Variants in FGF1 observed in about 807,000 individuals in gnomAD.
FGF1 encodes fibroblast growth factor 1, also known as beta-endothelial cell growth factor.
Under a neutral mutation model 13.4 loss-of-function variants are expected in FGF1, and 9 were observed. That is an observed-to-expected ratio of 0.67 (90% CI 0.40 to 1.17). The LOEUF (loss-of-function observed/expected upper bound fraction) is 1.17. Ranked by LOEUF, FGF1 falls within the 50% of genes most tolerant of loss-of-function variation. The pLI, the probability that FGF1 is intolerant of heterozygous loss-of-function variation, is 0.01. For missense variants in FGF1, 156 were observed against 192.7 expected, an observed-to-expected ratio of 0.81 and a Z score of 1.13; for synonymous variants, 93 against 79.0, an observed-to-expected ratio of 1.18 and a Z score of -0.94.
chr5:142,681,156 G>A (rs1005044633), intron 1 of FGF1, among the ~76,000 whole-genome samples: 8 of 152,106 alleles, frequency 5.3e-5, no homozygotes, highest in Non-Finnish European at 1.2e-4. Context: ...GTCAGGAGAC[G>A]GTCTTGAGCA....
intron 1 of FGF1, among the ~76,000 whole-genome samples, chr5:142,636,882 G>T (rs1162991571): frequency 6.6e-6 from 1 of 152,012 alleles, no homozygotes; most frequent in African/African-American, 2.4e-5. Flanking sequence ...GGTCCTGTAG[G>T]CACCTGTCTG....
At chr5:142,678,169 C>G (rs1393893961) in intron 1 of FGF1, among the ~76,000 whole-genome samples, 1 of 152,086 alleles carries the variant, frequency 6.6e-6, no homozygotes, top group African/African-American at 2.4e-5. Flanking sequence ...CCCCAAGAGG[C>G]CTCCTGTCTA....
rs114106496 is a variant in FGF1 at position 142,674,072 on chromosome 5, T to C, written c.-35+11885A>G. ...AACAGTCCTCACCCTGCTTCATGTG[T>C]GCCTGGTGCCCCTTGTTCTACTGGC... On this transcript the variant is annotated intron_variant, in intron 1 of 3. Coordinates refer to ENST00000337706, the MANE Select transcript of FGF1 (RefSeq NM_000800.5). Among the ~76,000 whole-genome samples, 942 of 152,312 alleles carry C rather than the reference T, an allele frequency of 6.2e-3. 8 individuals are homozygous for C. The highest frequency in any genetic ancestry group is 0.022 in the African/African-American group (899 of 41,576).
chr5:142,640,543 T>C (rs769263894), intron 1 of FGF1, among the ~76,000 whole-genome samples: 1 of 151,846 alleles, frequency 6.6e-6, no homozygotes, highest in East Asian at 1.9e-4. Flanking sequence ...GTGATGCGCA[T>C]GAGCAGGGAG....
intron 2 of FGF1, among the ~76,000 whole-genome samples, chr5:142,602,117 C>T (rs1436265765): frequency 6.6e-6 from 1 of 152,058 alleles, no homozygotes; most frequent in Non-Finnish European, 1.5e-5. Flanking sequence ...GAGGCTGGAA[C>T]ACACAGAGCT....
chr5:142,637,518 A>G (rs1211133553), intron 1 of FGF1, among the ~76,000 whole-genome samples: 2 of 151,862 alleles, frequency 1.3e-5, no homozygotes, highest in Non-Finnish European at 2.9e-5. Flanking sequence ...ACAGGGTTTC[A>G]CCATGTTAGC....
chr5:142,652,856 A>ACTCC (rs2151978570), intron 1 of FGF1, among the ~76,000 whole-genome samples: 1 of 151,912 alleles, frequency 6.6e-6, no homozygotes, highest in East Asian at 1.9e-4. Flanking sequence ...CTGCTCACTC[A>ACTCC]CTCCCTGTCC....
At chr5:142,677,529 A>T (rs1441799434) in intron 1 of FGF1, among the ~76,000 whole-genome samples, 2 of 152,272 alleles carry the variant, frequency 1.3e-5, no homozygotes. Flanking sequence ...GACACATAGC[A>T]TAGGGTCCTG....
intron 1 of FGF1, chr5:142,627,159 G>A (rs1406508204): frequency 1.3e-5 from 2 of 152,226 alleles, no homozygotes; most frequent in African/African-American, 4.8e-5. Flanking sequence ...GTTTCACGGA[G>A]CATTTGGGAT....
chr5:142,677,672 A>G (rs1227250619), intron 1 of FGF1, among the ~76,000 whole-genome samples: 2 of 152,184 alleles, frequency 1.3e-5, no homozygotes, highest in Non-Finnish European at 2.9e-5. Context: ...TGCTGTCCTG[A>G]GTCTTGGCTT....
intron 1 of FGF1, among the ~76,000 whole-genome samples, chr5:142,661,287 C>T (rs368726594): frequency 9.9e-5 from 15 of 152,242 alleles, no homozygotes; most frequent in African/African-American, 2.6e-4. Context: ...AAATCAAAAG[C>T]GCAATATCAC....
intron 1 of FGF1, among the ~76,000 whole-genome samples, chr5:142,633,895 C>T (rs1304610799): frequency 1.3e-5 from 2 of 152,092 alleles, no homozygotes; most frequent in East Asian, 3.9e-4. Context: ...TGAATCAAGA[C>T]CTCCCTCGGC....
intron 1 of FGF1, among the ~76,000 whole-genome samples, chr5:142,672,723 T>C (rs1384107915): frequency 6.6e-6 from 1 of 152,162 alleles, no homozygotes; most frequent in Non-Finnish European, 1.5e-5. Flanking sequence ...CAGGCTCGTC[T>C]CGAACTCCTG....
chr5:142,605,877 C>T (rs1164385034), intron 2 of FGF1, among the ~76,000 whole-genome samples: 1 of 152,102 alleles, frequency 6.6e-6, no homozygotes, highest in Non-Finnish European at 1.5e-5. Flanking sequence ...AGACCTACAT[C>T]CTCTTGCAGC....
rs367938958 is a variant in FGF1, at chr5:142,596,725, A to G, written c.274-1241T>C. Among the ~76,000 whole-genome samples, 12 of 148,832 alleles carry G rather than the reference A, an allele frequency of 8.1e-5. No homozygotes were observed. In the East Asian group the frequency reaches 1.9e-3, roughly 24 times the overall value. ...GTACCACTGCACTCTAGTCTGGGTG[A>G]CAGAGCAAGAACCTGTCTCTAAAGA... On this transcript the variant is annotated intron_variant, in intron 3 of 3. Transcript: ENST00000337706.
intron 2 of FGF1, among the ~76,000 whole-genome samples, chr5:142,607,009 A>G (rs903980038): frequency 6.6e-6 from 1 of 152,158 alleles, no homozygotes. Context: ...ATTCTCCTTC[A>G]TACATTTTAG....
chr5:142,685,818 A>G (rs1751037474), intron 1 of FGF1, 139 bp downstream of exon 1: 1 of 152,060 alleles, frequency 6.6e-6, no homozygotes, highest in Admixed American at 6.6e-5. Flanking sequence ...TATCTGCTTG[A>G]AACATTTTCT....
intron 1 of FGF1, among the ~76,000 whole-genome samples, chr5:142,637,249 G>T (rs1350612587): frequency 4.6e-5 from 7 of 151,736 alleles, no homozygotes; most frequent in Non-Finnish European, 2.9e-5. Context: ...TTCCAAACAA[G>T]ATGTGCTGCT....
chr5:142,688,873 A>G (rs1485567267), upstream of FGF1, among the ~76,000 whole-genome samples: 1 of 152,086 alleles, frequency 6.6e-6, no homozygotes, highest in Non-Finnish European at 1.5e-5. Flanking sequence ...GTGGCTCTAC[A>G]CCTCTCCTAA....
Sources: allele counts gnomAD v4.1 joint callset (sites outside exome capture counted in the v4.1 genomes callset), GRCh38; gene constraint gnomAD v4.1.1; transcripts MANE v1.5; gene names NCBI Gene and HGNC (gene_info 2026-07-23, HGNC 2026-07-21).